Variants in EYA3 observed in about 807,000 individuals in gnomAD.
EYA3 encodes the protein protein phosphatase EYA3.
EYA3 carries 39 observed loss-of-function variants against 80.0 expected under a neutral mutation model. The observed-to-expected ratio is 0.49, with a 90% CI of 0.38 to 0.64. The LOEUF is 0.64. Among genes scored for constraint, EYA3 ranks in the 30% least tolerant of loss-of-function variants. EYA3 has a pLI of 0.00. For synonymous variants in EYA3, 206 were observed against 232.8 expected, an observed-to-expected ratio of 0.88 and a Z score of 1.05; for missense variants, 523 against 676.1, an observed-to-expected ratio of 0.77 and a Z score of 2.51.
intron 3 of EYA3, among the ~76,000 whole-genome samples, chr1:28,044,320 T>C (rs1177483294): frequency 1.3e-5 from 2 of 152,212 alleles, no homozygotes; most frequent in African/African-American, 2.4e-5. Flanking sequence ...ACTGAACTTA[T>C]CTGTTCCCCG....
chr1:28,052,020 A>G (rs1240875254), intron 2 of EYA3, among the ~76,000 whole-genome samples: 1 of 148,684 alleles, frequency 6.7e-6, no homozygotes, highest in Non-Finnish European at 1.5e-5. Context: ...TTTTATTTTT[A>G]TTTTTTAAGA....
At chr1:27,985,333 C>A (rs990623186) in intron 16 of EYA3, among the ~76,000 whole-genome samples, 3 of 152,130 alleles carry the variant, frequency 2.0e-5, no homozygotes, top group Admixed American at 2.0e-4. Context: ...TCTGCCTCAG[C>A]CTCTCAAAGT....
intron 1 of EYA3, among the ~76,000 whole-genome samples, chr1:28,058,695 T>A (rs1372527830): frequency 6.6e-6 from 1 of 152,176 alleles, no homozygotes; most frequent in African/African-American, 2.4e-5. Flanking sequence ...CATCCAAAGA[T>A]AGGACCTAAT....
Position 27,974,412 on chromosome 1 carries a change from A to C in EYA3, c.*54T>G. On this transcript the variant is annotated 3_prime_UTR_variant, in exon 18 of 18. Coordinates refer to ENST00000373871, the MANE Select transcript of EYA3 (RefSeq NM_001990.4). ...AAGTTCTCAGTTGGTTCCAGTCTCCAGCTCCCTTCAGGAGTGAAAAGGAGC... is the reference window on the plus strand; with the variant it reads ...AAGTTCTCAGTTGGTTCCAGTCTCCCGCTCCCTTCAGGAGTGAAAAGGAGC... 1 of 1,419,340 alleles carries C rather than the reference A, an allele frequency of 7.0e-7. No individual in the cohort carries two copies. The highest frequency in any genetic ancestry group is 9.9e-7 in the Non-Finnish European group (1 of 1,013,934). 87.9% of individuals were successfully genotyped at this position (1,419,340 alleles called of 1,614,324 possible).
intron 11 of EYA3, among the ~76,000 whole-genome samples, chr1:28,003,969 T>G (rs1015546734): frequency 6.6e-6 from 1 of 152,190 alleles, no homozygotes; most frequent in Non-Finnish European, 1.5e-5. Context: ...AATGCTCAAT[T>G]TGGGCTGTTA....
At chr1:28,006,943 T>TTC (rs1391826293) in intron 10 of EYA3, among the ~76,000 whole-genome samples, 1 of 143,474 alleles carries the variant, frequency 7.0e-6, no homozygotes, top group East Asian at 2.0e-4. Context: ...TCTTTTTTTT[T>TTC]TTTTTTTTTT....
intron 5 of EYA3, among the ~76,000 whole-genome samples, chr1:28,037,755 T>C (rs1377542331): frequency 6.6e-6 from 1 of 152,224 alleles, no homozygotes; most frequent in Non-Finnish European, 1.5e-5. Context: ...AATTAGTTTA[T>C]TTTTTAATTA....
chr1:28,000,512 CTA>C (rs1251107526), intron 11 of EYA3, among the ~76,000 whole-genome samples: 1 of 152,084 alleles, frequency 6.6e-6, no homozygotes, highest in Non-Finnish European at 1.5e-5. Context: ...CAGGGTTTCA[CTA>C]TGTTAGCCAG....
chr1:28,083,351 C>G (rs1461775311), intron 1 of EYA3, among the ~76,000 whole-genome samples: 1 of 152,062 alleles, frequency 6.6e-6, no homozygotes, highest in Non-Finnish European at 1.5e-5. Flanking sequence ...GAAACCCCAT[C>G]TCTACTAAAA....
At chr1:28,044,942 T>C (rs893047048) in intron 3 of EYA3, among the ~76,000 whole-genome samples, 1 of 152,122 alleles carries the variant, frequency 6.6e-6, no homozygotes, top group African/African-American at 2.4e-5. Flanking sequence ...CAGCTAATTT[T>C]TGTAATTTTT....
chr1:28,030,852 A>G (rs1480836224), intron 6 of EYA3, among the ~76,000 whole-genome samples: 1 of 152,206 alleles, frequency 6.6e-6, no homozygotes, highest in East Asian at 1.9e-4. Flanking sequence ...TGTGAGTATC[A>G]GTGCTATGAT....
intron 12 of EYA3, 25 bp downstream of exon 12, chr1:27,999,935 C>A: frequency 6.7e-7 from 1 of 1,494,432 alleles, no homozygotes; most frequent in Admixed American, 1.8e-5. Flanking sequence ...CTCAGTGAAG[C>A]ACAGAAACAA....
In EYA3 at chr1:28,034,329, A is replaced by G. The variant is rs563815096; in HGVS notation, c.361+1215T>C. Among the ~76,000 whole-genome samples the G allele has an allele frequency of 3.3e-5, 5 of 152,300 alleles. No homozygotes were observed. In the South Asian group the frequency reaches 1.0e-3, roughly 32 times the overall value. On this transcript the variant is annotated intron_variant, in intron 6 of 17. Transcript: ENST00000373871. ...ATTTAAAAATTATAATTGCTAGCCT[A>G]TTATTAGTCAACTGTTGAAAAATCA... is the stretch of plus-strand genomic sequence containing the variant.
chr1:27,992,157 T>C (rs760182258), intron 14 of EYA3, among the ~76,000 whole-genome samples: 12 of 152,164 alleles, frequency 7.9e-5, no homozygotes, highest in Non-Finnish European at 1.6e-4. Context: ...TAAGGCAGCA[T>C]AGTATAGTAC....
chr1:28,069,254 G>A (rs1173873084), intron 1 of EYA3, among the ~76,000 whole-genome samples: 1 of 151,972 alleles, frequency 6.6e-6, no homozygotes, highest in Non-Finnish European at 1.5e-5. Context: ...GGGACTACAG[G>A]CACATGCCAC....
intron 14 of EYA3, chr1:27,990,467 C>A (rs1639971595): frequency 1.3e-5 from 2 of 152,090 alleles, no homozygotes; most frequent in Admixed American, 6.6e-5. Context: ...TTGAACATCT[C>A]CTAATTTGTC....
At chr1:28,082,252 CTGT>C (rs1325403496) in intron 1 of EYA3, among the ~76,000 whole-genome samples, 1 of 152,124 alleles carries the variant, frequency 6.6e-6, no homozygotes, top group African/African-American at 2.4e-5. Context: ...CGATTCTCGA[CTGT>C]TTTCAAAATA....
At chr1:28,066,615 C>G (rs1329433390) in intron 1 of EYA3, among the ~76,000 whole-genome samples, 2 of 151,718 alleles carry the variant, frequency 1.3e-5, no homozygotes. Flanking sequence ...GAACAGTAAG[C>G]TTATCTCACT....
intron 9 of EYA3, among the ~76,000 whole-genome samples, chr1:28,012,547 T>G (rs1641764425): frequency 1.3e-5 from 2 of 152,206 alleles, no homozygotes. Flanking sequence ...AAAAAGTGTG[T>G]GTATATATAT....
Sources: gnomAD v4.1 joint callset for allele counts (sites outside exome capture counted in the v4.1 genomes callset) on GRCh38, gnomAD v4.1.1 for gene constraint, MANE v1.5 for transcripts, NCBI Gene and HGNC (gene_info 2026-07-23, HGNC 2026-07-21) for gene names.